NRCAM: variants seen among roughly 807,000 people sequenced by gnomAD.
NRCAM encodes neuronal cell adhesion molecule.
A neutral mutation model predicts 156.5 loss-of-function variants in NRCAM; 83 were observed. The observed-to-expected ratio is 0.53, with a 90% CI of 0.44 to 0.64. The LOEUF (loss-of-function observed/expected upper bound fraction) is 0.64. Among genes scored for constraint, NRCAM ranks in the 30% least tolerant of loss-of-function variants. The probability of loss-of-function intolerance (pLI) is 0.00; values close to 1 mark genes in which losing one functional copy is unlikely to be tolerated. For missense variants in NRCAM, 1,417 were observed against 1,597.3 expected (o/e 0.89, Z 1.92); for synonymous variants, 538 against 563.9 (o/e 0.95, Z 0.65).
At chr7:108,155,933 T>A (rs1257080815) in intron 32 of NRCAM, among the ~76,000 whole-genome samples, 5 of 152,124 alleles carry the variant, frequency 3.3e-5, no homozygotes, top group African/African-American at 1.2e-4. Context: ...AATAGCACTT[T>A]GTTCAGAAGT....
At chr7:108,217,920 G>T (rs2090187600) in intron 11 of NRCAM, among the ~76,000 whole-genome samples, 1 of 152,104 alleles carries the variant, frequency 6.6e-6, no homozygotes, top group South Asian at 2.1e-4. Flanking sequence ...CTTTCCAGGG[G>T]AGTGAATGGT....
chr7:108,341,121 C>A (rs1427071289), intron 2 of NRCAM, among the ~76,000 whole-genome samples: 1 of 152,184 alleles, frequency 6.6e-6, no homozygotes, highest in Non-Finnish European at 1.5e-5. Context: ...AAATAAGCCA[C>A]CCCCTCATCC....
At chr7:108,177,077 A>T (rs1475230944) in intron 26 of NRCAM, among the ~76,000 whole-genome samples, 1 of 152,236 alleles carries the variant, frequency 6.6e-6, no homozygotes, top group Non-Finnish European at 1.5e-5. Flanking sequence ...AATTTTTAAT[A>T]ACATAGACAT....
intron 1 of NRCAM, among the ~76,000 whole-genome samples, chr7:108,416,683 G>A (rs1802030109): frequency 6.6e-6 from 1 of 152,184 alleles, no homozygotes; most frequent in African/African-American, 2.4e-5. Context: ...TTTCATGTCT[G>A]TATAGTTGAA....
intron 2 of NRCAM, among the ~76,000 whole-genome samples, chr7:108,317,243 C>A (rs1421631492): frequency 6.6e-6 from 1 of 152,176 alleles, no homozygotes; most frequent in East Asian, 1.9e-4. Flanking sequence ...TCTGCCCTAT[C>A]TAATAGAGTT....
chr7:108,307,374 T>C (rs969508531), intron 3 of NRCAM, among the ~76,000 whole-genome samples: 5 of 152,216 alleles, frequency 3.3e-5, no homozygotes, highest in Non-Finnish European at 4.4e-5. Context: ...AGAGCAGCAA[T>C]GTGAATGTGA....
chr7:108,435,150 A>C (rs1240393835), intron 1 of NRCAM, among the ~76,000 whole-genome samples: 1 of 152,232 alleles, frequency 6.6e-6, no homozygotes, highest in Non-Finnish European at 1.5e-5. Context: ...ACCATGTTTA[A>C]AAATTAAAGG....
intron 2 of NRCAM, among the ~76,000 whole-genome samples, chr7:108,386,843 T>C (rs562168427): frequency 4.6e-4 from 70 of 152,296 alleles, no homozygotes; most frequent in African/African-American, 1.7e-3. Flanking sequence ...AGGTATCATT[T>C]CTGAAATCAC....
Position 108,230,987 on chromosome 7 carries a change from C to G in NRCAM, c.550+44G>C. ...ATAATGTATTATGACTGTAAACAAT[C>G]CTAAGACTTTTAAAGAAAGAAAGTT... On this transcript the variant is annotated intron_variant, in intron 8 of 32. Coordinates refer to ENST00000379028, the MANE Select transcript of NRCAM (RefSeq NM_001037132.4). The G allele has an allele frequency of 4.1e-6, 6 of 1,479,144 alleles. No homozygotes were observed. In the South Asian group the frequency reaches 5.8e-5, roughly 14 times the overall value. The allele number at this position is 1,479,144 out of a possible 1,614,324, so 91.6% of individuals were successfully genotyped here.
chr7:108,150,284 C>T (rs1227307258), intron 32 of NRCAM, 137 bp from the exon 33 acceptor site: 3 of 731,332 alleles, frequency 4.1e-6, no homozygotes, highest in Non-Finnish European at 6.9e-6. Flanking sequence ...TTCAGGTTGA[C>T]TCCAATGACG....
At position 108,155,101 on chromosome 7, in the gene NRCAM, T is replaced by TACACACAC. The variant is rs58111040; in HGVS notation, c.3677+4354_3677+4361dup. On this transcript the variant is annotated intron_variant, in intron 32 of 32. Transcript: ENST00000379028. ...GATTTAAAAGTCATATATATATATA[T>TACACACAC]ACACACACACACACACACACACACA... Among the ~76,000 whole-genome samples the TACACACAC allele has an allele frequency of 2.6e-3, 326 of 123,106 alleles. 4 individuals carry two copies. Among genetic ancestry groups the TACACACAC allele is most frequent in the Non-Finnish European group, 3.3e-3 (206 of 61,524 alleles). 80.8% of individuals were successfully genotyped at this position (123,106 alleles called of 152,430 possible).
At chr7:108,371,146 A>T (rs2099625959) in intron 2 of NRCAM, among the ~76,000 whole-genome samples, 1 of 152,204 alleles carries the variant, frequency 6.6e-6, no homozygotes, top group Non-Finnish European at 1.5e-5. Context: ...AGACTCTGAG[A>T]CCATAGCAAA....
At chr7:108,442,386 G>C (rs900025993) in intron 1 of NRCAM, among the ~76,000 whole-genome samples, 15 of 151,944 alleles carry the variant, frequency 9.9e-5, no homozygotes, top group Admixed American at 1.3e-4. Context: ...GACCAAAGAG[G>C]GAGTGGGGAG....
intron 20 of NRCAM, among the ~76,000 whole-genome samples, chr7:108,184,861 C>CA (rs1029868017): frequency 2.0e-5 from 3 of 151,682 alleles, no homozygotes; most frequent in African/African-American, 7.3e-5. Context: ...TCTCCTATTA[C>CA]AAAAAAAATT....
intron 1 of NRCAM, among the ~76,000 whole-genome samples, chr7:108,400,083 G>C (rs138730530): frequency 6.6e-6 from 1 of 152,284 alleles, no homozygotes; most frequent in East Asian, 1.9e-4. Context: ...AATGCAATTA[G>C]TATTTTAGAG....
At chr7:108,446,957 C>T (rs970785999) in intron 1 of NRCAM, among the ~76,000 whole-genome samples, 2 of 151,820 alleles carry the variant, frequency 1.3e-5, no homozygotes, top group Non-Finnish European at 2.9e-5. Context: ...CTCAAATTCC[C>T]GACCTCAAGT....
At chr7:108,300,894 T>C (rs1029538603) in intron 3 of NRCAM, among the ~76,000 whole-genome samples, 22 of 152,152 alleles carry the variant, frequency 1.4e-4, no homozygotes, top group Non-Finnish European at 1.0e-4. Flanking sequence ...TTAAAGCTTT[T>C]CTTAAAAAAT....
At position 108,247,277 on chromosome 7, in the gene NRCAM, G is replaced by C. The variant is rs563720768; in HGVS notation, c.-106-7107C>G. 1.1e-3 allele frequency among the ~76,000 whole-genome samples: 174 copies of C among 152,330 alleles called. 1 individual carries two copies. The highest frequency in any genetic ancestry group is 2.1e-3 in the Non-Finnish European group (144 of 68,030). The stretch of plus-strand genomic sequence containing the variant: ...GCAATAATGAATTAAGATAAACTGA[G>C]ATTGGCTCTTTCTTGCAACCAGAAA... On this transcript the variant is annotated intron_variant, in intron 3 of 32. Coordinates refer to ENST00000379028, the MANE Select transcript of NRCAM (RefSeq NM_001037132.4).
chr7:108,217,850 T>C (rs1328952496), intron 11 of NRCAM, among the ~76,000 whole-genome samples: 3 of 152,216 alleles, frequency 2.0e-5, no homozygotes, highest in African/African-American at 7.2e-5. Flanking sequence ...CTTAGCTTGC[T>C]GGGCTTCATG....
Sources: allele counts gnomAD v4.1 joint callset (sites outside exome capture counted in the v4.1 genomes callset), GRCh38; gene constraint gnomAD v4.1.1; transcripts MANE v1.5; gene names NCBI Gene and HGNC (gene_info 2026-07-23, HGNC 2026-07-21).